The following TOPAZ1 variants were observed in gnomAD, a reference collection of about 807,000 sequenced individuals.
TOPAZ1 encodes the protein testis and ovary specific TOPAZ 1, also known as protein TOPAZ1.
Under a neutral mutation model 172.2 loss-of-function variants are expected in TOPAZ1, and 66 were observed. The ratio of observed to expected loss-of-function variants is 0.38; its 90% confidence interval spans 0.31 to 0.47. TOPAZ1 has a LOEUF of 0.47. Ranked by LOEUF, TOPAZ1 falls within the 20% of genes least tolerant of loss-of-function variation. The probability of loss-of-function intolerance (pLI) is 0.99; values close to 1 mark genes in which losing one functional copy is unlikely to be tolerated. For missense variants in TOPAZ1, 1,822 were observed against 1,972.4 expected (o/e 0.92, Z 1.44); for synonymous variants, 681 against 683.9 (o/e 1.00, Z 0.07).
intron 8 of TOPAZ1, among the ~76,000 whole-genome samples, chr3:44,277,267 G>A (rs1487682636): frequency 6.6e-6 from 1 of 152,010 alleles, no homozygotes; most frequent in African/African-American, 2.4e-5. Flanking sequence ...TTATAAATGG[G>A]AATACCTTCT....
chr3:44,296,716 G>A (rs569550798), intron 12 of TOPAZ1, among the ~76,000 whole-genome samples: 1 of 151,914 alleles, frequency 6.6e-6, no homozygotes, highest in Admixed American at 6.6e-5. Flanking sequence ...TTCATTGGAC[G>A]ATTCTACCAG....
At chr3:44,323,342 TC>T in intron 18 of TOPAZ1, 47 bp downstream of exon 18, 4 of 1,190,282 alleles carry the variant, frequency 3.4e-6, no homozygotes, top group Non-Finnish European at 4.7e-6. Context: ...ATAATTGTAT[TC>T]TCTAACCCAG....
intron 16 of TOPAZ1, among the ~76,000 whole-genome samples, chr3:44,320,394 G>A (rs560204893): frequency 6.6e-6 from 1 of 152,258 alleles, no homozygotes; most frequent in South Asian, 2.1e-4. Context: ...TCAAGAGATC[G>A]AGACTGTCCT....
chr3:44,293,422 G>A (rs1009692934), intron 12 of TOPAZ1, among the ~76,000 whole-genome samples: 2 of 152,174 alleles, frequency 1.3e-5, no homozygotes, highest in African/African-American at 2.4e-5. Context: ...AGACCTTCCA[G>A]GGAGACAAGA....
In TOPAZ1 at chr3:44,242,085, C is replaced by A. The variant is rs939894576; in HGVS notation, c.32C>A (p.Thr11Lys). 1 of 1,546,918 alleles carries A rather than the reference C, an allele frequency of 6.5e-7. No homozygotes were observed. Among genetic ancestry groups the A allele is most frequent in the Non-Finnish European group, 8.7e-7 (1 of 1,146,408 alleles). Residue 11 changes from threonine (T) to lysine (K), a missense_variant, in exon 1 of 20, where the codon ACG becomes AAG. Physicochemically the swap from Thr to Lys is moderately conservative, Grantham distance 78. Around this residue, in one of 2 missense-constraint regions of TOPAZ1, gnomAD observed 1,489 missense variants for 1,490.8 expected, o/e 1.00. Coordinates refer to ENST00000309765, the MANE Select transcript of TOPAZ1 (RefSeq NM_001145030.2). MRRPPPLGPT[T>K]ASGPEGNVRN... is the part of the protein sequence containing the mutation. ...CGACCTCCACCCCTGGGCCCCACGA[C>A]GGCCTCAGGGCCTGAAGGCAATGTG...
Position 44,276,624 on chromosome 3 carries a change from C to CTTTTTTTTTTT in TOPAZ1, c.3373-5325_3373-5315dup. Among the ~76,000 whole-genome samples, 48 of 24,112 alleles carry CTTTTTTTTTTT rather than the reference C, an allele frequency of 2.0e-3. 10 individuals carry two copies. The highest frequency in any genetic ancestry group is 2.8e-3 in the African/African-American group (15 of 5,324). The allele number at this position is 24,112 out of a possible 152,430, so 15.8% of individuals were successfully genotyped here. A position where few individuals can be genotyped will look rare whatever the true frequency, so the allele number is the denominator to read the frequency against. ...GTAGTTTAATGCCTCCAGCTTTGTTCTTTTTTTTTTTTTTTTTTTTTTTTT... is the reference window on the plus strand; with the variant it reads ...GTAGTTTAATGCCTCCAGCTTTGTTCTTTTTTTTTTTTTTTTTTTTTTTTTTTTTTTTTTTT... On this transcript the variant is annotated intron_variant, in intron 8 of 19. Transcript: ENST00000309765.
chr3:44,259,806 T>G (rs542645854), intron 4 of TOPAZ1, among the ~76,000 whole-genome samples: 2 of 152,354 alleles, frequency 1.3e-5, no homozygotes, highest in South Asian at 4.1e-4. Context: ...TAATATGCAT[T>G]TCTCTTATGA....
Position 44,290,853 on chromosome 3 carries a change from A to T in TOPAZ1, c.3764A>T (p.Gln1255Leu). 6.5e-7 allele frequency: 1 copy of T among 1,549,556 alleles called. No homozygotes were observed. The highest frequency in any genetic ancestry group is 8.7e-7 in the Non-Finnish European group (1 of 1,146,292). Residue 1255 changes from glutamine (Q) to leucine (L), a missense_variant, in exon 12 of 20, where the codon CAA becomes CTA. Transcript: ENST00000309765. ...KLLYQVQASK[Q>L]EITAVLEMKS... ...TTATACCAAGTACAAGCTTCCAAACAAGAAATAACTGCAGTTCTGGAAATG... is the reference window on the plus strand; with the variant it reads ...TTATACCAAGTACAAGCTTCCAAACTAGAAATAACTGCAGTTCTGGAAATG...
At chr3:44,282,954 A>C (rs1034911001) in intron 9 of TOPAZ1, among the ~76,000 whole-genome samples, 1 of 152,162 alleles carries the variant, frequency 6.6e-6, no homozygotes, top group Non-Finnish European at 1.5e-5. Context: ...TTGTGACCTG[A>C]GGGATTTTGA....
Position 44,242,095 on chromosome 3 carries a change from G to T in TOPAZ1, c.42G>T (p.Gly14=). The part of the protein sequence containing the change: ...PPPLGPTTAS[G]PEGNVRNLQK... The stretch of plus-strand genomic sequence containing the variant: ...CCCTGGGCCCCACGACGGCCTCAGG[G>T]CCTGAAGGCAATGTGCGAAACCTGC... Residue 14 remains glycine, a synonymous_variant, in exon 1 of 20, where the codon GGG becomes GGT. Transcript: ENST00000309765. 2 of 1,547,758 alleles carry T rather than the reference G, an allele frequency of 1.3e-6. No homozygotes were observed. Among genetic ancestry groups the T allele is most frequent in the Non-Finnish European group, 1.7e-6 (2 of 1,146,502 alleles).
intron 16 of TOPAZ1, among the ~76,000 whole-genome samples, chr3:44,312,558 G>A (rs1700408390): frequency 6.6e-6 from 1 of 152,124 alleles, no homozygotes; most frequent in South Asian, 2.1e-4. Context: ...TTTGTTTGGT[G>A]AGTGACAGAT....
Position 44,244,912 on chromosome 3 carries a change from A to G in TOPAZ1, c.2406A>G (p.Thr802=), listed in dbSNP as rs1699543994. ...IVSNKEVASL[T]VENNAFSCDP... The stretch of plus-strand genomic sequence containing the variant: ...CTAATAAAGAAGTTGCTTCTCTCAC[A>G]GTTGAAAATAATGCTTTTTCTTGTG... The change falls in exon 2 of 20, where the codon ACA becomes ACG. Residue 802 remains threonine, a synonymous_variant. Coordinates refer to ENST00000309765, the MANE Select transcript of TOPAZ1 (RefSeq NM_001145030.2). 6.4e-7 allele frequency: 1 copy of G among 1,551,780 alleles called. No homozygotes were observed. The highest frequency in any genetic ancestry group is 8.7e-7 in the Non-Finnish European group (1 of 1,147,008).
intron 4 of TOPAZ1, among the ~76,000 whole-genome samples, chr3:44,260,665 T>C (rs561061348): frequency 1.2e-3 from 181 of 152,290 alleles, no homozygotes; most frequent in African/African-American, 4.1e-3. Context: ...AGTCAAACCA[T>C]TGATATCTTA....
downstream of TOPAZ1, among the ~76,000 whole-genome samples, chr3:44,332,889 C>T (rs1700686323): frequency 6.6e-6 from 1 of 151,746 alleles, no homozygotes; most frequent in African/African-American, 2.4e-5. Context: ...GCCTCAACCT[C>T]CCAGGCTCAA....
chr3:44,244,773 CTAG>C lies in TOPAZ1; in HGVS notation c.2269_2271del (p.Ser758del). 1 of 1,551,562 alleles carries C rather than the reference CTAG, an allele frequency of 6.4e-7. No individual in the cohort carries two copies. The highest frequency in any genetic ancestry group is 8.7e-7 in the Non-Finnish European group (1 of 1,146,966). ...CGAAATAGTGTAACTCCAGTGCAAG[CTAG>C]TTCTGACTCATTCTACAATAAGAAA... is the stretch of plus-strand genomic sequence containing the variant. On this transcript the variant is annotated inframe_deletion, in exon 2 of 20. Transcript: ENST00000309765.
intron 8 of TOPAZ1, among the ~76,000 whole-genome samples, chr3:44,281,376 A>C (rs1367606859): frequency 6.6e-6 from 1 of 152,192 alleles, no homozygotes; most frequent in African/African-American, 2.4e-5. Flanking sequence ...TCTTAAAAGT[A>C]TCTTTTGAGA....
chr3:44,255,102 T>C, intron 3 of TOPAZ1, 73 bp downstream of exon 3: 1 of 1,070,622 alleles, frequency 9.3e-7, no homozygotes, highest in Non-Finnish European at 1.4e-6. Context: ...CTAGTCAAGA[T>C]GAATTCACTA....
chr3:44,267,356 C>T (rs965980003), intron 6 of TOPAZ1, among the ~76,000 whole-genome samples: 4 of 144,382 alleles, frequency 2.8e-5, no homozygotes, highest in Non-Finnish European at 6.0e-5. Context: ...TGCAGTGGCA[C>T]GATCTCAGTG....
At chr3:44,285,081 A>G (rs1280232077) in intron 9 of TOPAZ1, among the ~76,000 whole-genome samples, 1 of 152,230 alleles carries the variant, frequency 6.6e-6, no homozygotes, top group Non-Finnish European at 1.5e-5. Context: ...CACTAGAATT[A>G]TGCATTCCTA....
Sources: allele counts gnomAD v4.1 joint callset (sites outside exome capture counted in the v4.1 genomes callset), GRCh38; gene constraint gnomAD v4.1.1; regional missense constraint gnomAD v4.1.1; transcripts MANE v1.5; gene names NCBI Gene and HGNC (gene_info 2026-07-23, HGNC 2026-07-21).